Variants in BRSK2 observed in about 807,000 individuals in gnomAD.
BRSK2 encodes BR serine/threonine kinase 2, also known as serine/threonine-protein kinase BRSK2.
BRSK2 carries 19 observed loss-of-function variants against 83.3 expected under a neutral mutation model. That is an observed-to-expected ratio of 0.23 (90% confidence interval 0.16 to 0.33). The LOEUF is 0.33. Among genes scored for constraint, BRSK2 ranks in the 10% least tolerant of loss-of-function variants. The probability of loss-of-function intolerance (pLI) is 1.00; values close to 1 mark genes in which losing one functional copy is unlikely to be tolerated. For missense variants in BRSK2, 798 were observed against 1,042.3 expected, an observed-to-expected ratio of 0.77 and a Z score of 3.23; for synonymous variants, 519 against 435.4, an observed-to-expected ratio of 1.19 and a Z score of -2.39.
Position 1,460,460 on chromosome 11 carries a change from C to CT in BRSK2, c.1988-40_1988-39insT, listed in dbSNP as rs781049550. 32 of 1,122,734 alleles carry CT rather than the reference C, an allele frequency of 2.9e-5. 1 individual carries two copies. Among genetic ancestry groups the CT allele is most frequent in the Middle Eastern group, 3.0e-4 (1 of 3,340 alleles). The allele number at this position is 1,122,734 out of a possible 1,614,324, so 69.5% of individuals were successfully genotyped here. On this transcript the variant is annotated intron_variant, in intron 19 of 19. Coordinates refer to ENST00000528841, the MANE Select transcript of BRSK2 (RefSeq NM_001256627.2). ...TCTCTCCCCCTTTTTTTTCTTTTTT[C>CT]CTTTTTTTTTTTTTTTTTGTCTCTG...
intron 16 of BRSK2, among the ~76,000 whole-genome samples, chr11:1,455,123 G>A (rs1387286779): frequency 6.6e-6 from 1 of 152,160 alleles, no homozygotes. Flanking sequence ...CGGGGTCTTG[G>A]GTGGGCTTCA....
intron 1 of BRSK2, among the ~76,000 whole-genome samples, chr11:1,408,970 GT>G (rs1400190367): frequency 2.9e-4 from 36 of 124,742 alleles, no homozygotes; most frequent in African/African-American, 8.7e-4. Flanking sequence ...CTGTGCAGGT[GT>G]GTGTGTGTGT....
intron 2 of BRSK2, 50 bp downstream of exon 2, chr11:1,436,184 G>GT (rs2133009001): frequency 1.5e-5 from 3 of 201,438 alleles, no homozygotes; most frequent in African/African-American, 2.9e-5. Context: ...GTGGGGCGGG[G>GT]AATAGCACAG....
In BRSK2 at chr11:1,423,762, AG is replaced by A. The variant is rs1357992955; in HGVS notation, c.92-12276del. The stretch of plus-strand genomic sequence containing the variant: ...CCCCGCTGGGCGTTCCGGGTGCCCC[AG>A]GCCTCCCCCGCTGGGCGTTCCGGGT... On this transcript the variant is annotated intron_variant, in intron 1 of 19. Transcript: ENST00000528841. The surrounding 1 kb of genome is among the most constrained non-coding windows in gnomAD (Gnocchi z 6.5). 5.9e-5 allele frequency among the ~76,000 whole-genome samples: 8 copies of A among 135,048 alleles called. No homozygotes were observed. Among genetic ancestry groups the A allele is most frequent in the African/African-American group, 2.0e-4 (7 of 35,398 alleles). 88.6% of individuals were successfully genotyped at this position (135,048 alleles called of 152,430 possible).
intron 13 of BRSK2, 108 bp downstream of exon 13, chr11:1,449,944 C>T (rs1462483929): frequency 5.3e-6 from 4 of 750,846 alleles, no homozygotes; most frequent in South Asian, 1.7e-5. Flanking sequence ...GAAGCAGCCC[C>T]AGGCGCCCCC....
chr11:1,406,379 G>A (rs1330749514), intron 1 of BRSK2, among the ~76,000 whole-genome samples: 4 of 152,210 alleles, frequency 2.6e-5, no homozygotes, highest in Admixed American at 2.0e-4. Flanking sequence ...GGCTGAGGCG[G>A]GAGAATGGCA....
At position 1,459,251 on chromosome 11, in the gene BRSK2, C is replaced by T. The variant is rs374841673; in HGVS notation, c.1987+12C>T. The T allele has an allele frequency of 2.1e-5, 34 of 1,613,460 alleles. No individual in the cohort carries two copies. The African/African-American group carries it at 3.9e-4, about 18-fold the overall frequency. ...GCTTTCCAAATGTGGTAAGAATCCC[C>T]CACGCTCACCTGGCACCTCCACCTG... On this transcript the variant is annotated intron_variant, in intron 19 of 19. Transcript: ENST00000528841.
At position 1,456,523 on chromosome 11, in the gene BRSK2, T is replaced by A; in HGVS notation, c.1844T>A (p.Leu615His). 6.3e-7 allele frequency: 1 copy of A among 1,588,658 alleles called. No homozygotes were observed. The highest frequency in any genetic ancestry group is 8.6e-7 in the Non-Finnish European group (1 of 1,167,020). ...ATCTACTCCGTCACCTTCACCCTGCTCTCAGGTGAGCTGGCGCCCCCAGGG... is the reference window on the plus strand; with the variant it reads ...ATCTACTCCGTCACCTTCACCCTGCACTCAGGTGAGCTGGCGCCCCCAGGG... ...NGIYSVTFTL[L>H]SGPSRRFKRV... The change falls in exon 17 of 20, where the codon CTC becomes CAC. Residue 615 changes from leucine (L) to histidine (H), a missense_variant. Transcript: ENST00000528841.
intron 1 of BRSK2, among the ~76,000 whole-genome samples, chr11:1,425,945 C>A (rs892184677): frequency 9.9e-5 from 15 of 152,162 alleles, no homozygotes; most frequent in Admixed American, 7.2e-4. Context: ...AGCGGATTTG[C>A]GGCCTCATGG....
At chr11:1,433,229 G>T (rs972046488) in intron 1 of BRSK2, among the ~76,000 whole-genome samples, 1 of 152,242 alleles carries the variant, frequency 6.6e-6, no homozygotes, top group Non-Finnish European at 1.5e-5. Flanking sequence ...GCCATCTTTT[G>T]TGAAAATGCA....
chr11:1,436,197 GTGGGAGCCAAGGTTGTGGGGACCTGC>G, intron 2 of BRSK2, 63 bp downstream of exon 2: 1 of 747,576 alleles, frequency 1.3e-6, no homozygotes, highest in South Asian at 2.6e-5. Flanking sequence ...TAGCACAGGG[GTGGGAGCCAAGGTTGTGGGGACCTGC>G]GGTGCTGGAT....
intron 1 of BRSK2, among the ~76,000 whole-genome samples, chr11:1,422,887 C>T (rs1475344510): frequency 6.6e-6 from 1 of 152,234 alleles, no homozygotes; most frequent in Non-Finnish European, 1.5e-5. Flanking sequence ...ACCCAGCAAG[C>T]CCCACAGCCA....
intron 1 of BRSK2, among the ~76,000 whole-genome samples, chr11:1,399,379 G>C (rs919829611): frequency 2.0e-5 from 3 of 152,210 alleles, no homozygotes; most frequent in Non-Finnish European, 4.4e-5. Flanking sequence ...TCAGCCTCAG[G>C]ACAGCCGAGG....
At chr11:1,448,160 G>A (rs564991612) in intron 12 of BRSK2, among the ~76,000 whole-genome samples, 1 of 152,302 alleles carries the variant, frequency 6.6e-6, no homozygotes, top group East Asian at 1.9e-4. Flanking sequence ...GCCAGCCCCT[G>A]TGCTGTGTCC....
At chr11:1,405,480 G>A (rs1846807273) in intron 1 of BRSK2, among the ~76,000 whole-genome samples, 1 of 152,062 alleles carries the variant, frequency 6.6e-6, no homozygotes, top group East Asian at 1.9e-4. Context: ...TGAGAAGTTG[G>A]GATCCTAGGG....
chr11:1,399,614 C>T (rs988878531), intron 1 of BRSK2, among the ~76,000 whole-genome samples: 11 of 152,140 alleles, frequency 7.2e-5, no homozygotes, highest in Non-Finnish European at 1.5e-4. Flanking sequence ...TGGCAGCTGT[C>T]CCCCCAGGGC....
intron 9 of BRSK2, 99 bp downstream of exon 9, chr11:1,445,101 G>A: frequency 1.3e-6 from 2 of 1,538,130 alleles, no homozygotes; most frequent in Non-Finnish European, 1.8e-6. Flanking sequence ...GCCCAGCGCA[G>A]GTCCTGCCCT....
chr11:1,436,079 A>G lies in BRSK2; in HGVS notation c.131A>G (p.Lys44Arg). The G allele has an allele frequency of 1.3e-6, 2 of 1,574,010 alleles. No homozygotes were observed. Among genetic ancestry groups the G allele is most frequent in the Admixed American group, 1.7e-5 (1 of 57,306 alleles). The change falls in exon 2 of 20, where the codon AAG becomes AGG. Residue 44 changes from lysine to arginine, a missense_variant. Physicochemically the swap from Lys to Arg is conservative, Grantham distance 26. Transcript: ENST00000528841. ...GGGGTTCACTGCGTCACCTGCCAGAAGGTGGCCATCAAGATCGTCAACCGT... is the reference window on the plus strand; with the variant it reads ...GGGGTTCACTGCGTCACCTGCCAGAGGGTGGCCATCAAGATCGTCAACCGT... Reference protein sequence around the residue: ...KLGVHCVTCQKVAIKIVNREK... With the variant: ...KLGVHCVTCQRVAIKIVNREK...
At chr11:1,392,536 T>G (rs1845790842) in intron 1 of BRSK2, among the ~76,000 whole-genome samples, 1 of 152,076 alleles carries the variant, frequency 6.6e-6, no homozygotes, top group Non-Finnish European at 1.5e-5. Flanking sequence ...AGGGAGGTGG[T>G]CAGTGGCAGT....
Sources: gnomAD v4.1 joint callset for allele counts (sites outside exome capture counted in the v4.1 genomes callset) on GRCh38, gnomAD v4.1.1 for gene constraint, Gnocchi (gnomAD v3.1) non-coding constraint, MANE v1.5 for transcripts, NCBI Gene and HGNC (gene_info 2026-07-23, HGNC 2026-07-21) for gene names.